The following LGR5 variants were observed in gnomAD, a reference collection of about 807,000 sequenced individuals.
LGR5 encodes the protein leucine rich repeat containing G protein-coupled receptor 5, also known as leucine-rich repeat-containing G protein-coupled receptor 5.
A neutral mutation model predicts 76.7 loss-of-function variants in LGR5; 54 were observed. The ratio of observed to expected loss-of-function variants is 0.70; its 90% CI spans 0.57 to 0.88. LGR5 has a LOEUF of 0.88. Among genes scored for constraint, LGR5 ranks in the 40% least tolerant of loss-of-function variants. The pLI is 0.00. For synonymous variants in LGR5, 406 were observed against 421.9 expected (o/e 0.96, Z 0.46); for missense variants, 1,078 against 1,073.3 (o/e 1.00, Z -0.06).
At chr12:71,546,582 A>G (rs1404499350) in intron 4 of LGR5, among the ~76,000 whole-genome samples, 1 of 151,814 alleles carries the variant, frequency 6.6e-6, no homozygotes, top group Non-Finnish European at 1.5e-5. Context: ...CATATTTAAC[A>G]TCTCTCATAG....
intron 4 of LGR5, among the ~76,000 whole-genome samples, chr12:71,549,489 T>C (rs1024621609): frequency 2.0e-5 from 3 of 152,212 alleles, no homozygotes; most frequent in Non-Finnish European, 2.9e-5. Context: ...AGGTGATGGA[T>C]ATGTTAATTA....
intron 4 of LGR5, among the ~76,000 whole-genome samples, chr12:71,538,245 G>T (rs899797337): frequency 8.5e-5 from 13 of 152,148 alleles, no homozygotes; most frequent in African/African-American, 3.1e-4. Context: ...AGGTATGGTG[G>T]CTCATGCCTG....
At chr12:71,474,435 T>C (rs1873238067) in intron 1 of LGR5, among the ~76,000 whole-genome samples, 1 of 152,238 alleles carries the variant, frequency 6.6e-6, no homozygotes, top group African/African-American at 2.4e-5. Context: ...AAAATATTCC[T>C]ATACCAATTT....
intron 13 of LGR5, among the ~76,000 whole-genome samples, chr12:71,574,502 ACC>A (rs386764130): frequency 1.9e-4 from 29 of 152,200 alleles, no homozygotes; most frequent in African/African-American, 6.7e-4. Context: ...CGTTTGGATC[ACC>A]ATCATCCTCC....
At chr12:71,580,535 C>A in intron 16 of LGR5, 112 bp downstream of exon 16, 3 of 1,075,772 alleles carry the variant, frequency 2.8e-6, no homozygotes, top group Non-Finnish European at 2.7e-6. Flanking sequence ...GTGGCACACA[C>A]CTGTAATCCC....
At chr12:71,551,525 G>T (rs1338871558) in intron 4 of LGR5, among the ~76,000 whole-genome samples, 1 of 151,986 alleles carries the variant, frequency 6.6e-6, no homozygotes, top group Non-Finnish European at 1.5e-5. Flanking sequence ...AAATGCAAAT[G>T]TGTGCGTCTT....
intron 8 of LGR5, among the ~76,000 whole-genome samples, chr12:71,564,831 T>C (rs911799542): frequency 1.3e-5 from 2 of 148,474 alleles, no homozygotes; most frequent in Admixed American, 6.7e-5. Flanking sequence ...TACACATATA[T>C]GTACACACAC....
At position 71,572,919 on chromosome 12, in the gene LGR5, G is replaced by T. The variant is rs1399535688; in HGVS notation, c.1206G>T (p.Ser402=). The change falls in exon 13 of 18, where the codon TCG becomes TCT. Residue 402 remains serine (S), a splice_region_variant and synonymous_variant. Coordinates refer to ENST00000266674, the MANE Select transcript of LGR5 (RefSeq NM_003667.4). ...TCCAGCAGTTGCTTAGCCTCCGATC[G>T]CTGTGAGTATCACCTCCCAGTGCGT... ...DTFQQLLSLR[S]LNLAWNKIAI... 3.1e-6 allele frequency: 5 copies of T among 1,610,960 alleles called. No homozygotes were observed. Among genetic ancestry groups the T allele is most frequent in the Non-Finnish European group, 4.2e-6 (5 of 1,177,328 alleles).
At chr12:71,583,120 T>C (rs2137483491) in intron 17 of LGR5, among the ~76,000 whole-genome samples, 1 of 152,214 alleles carries the variant, frequency 6.6e-6, no homozygotes, top group African/African-American at 2.4e-5. Flanking sequence ...GATGAGCCAG[T>C]TGAAAAAAAG....
chr12:71,505,717 A>G (rs1390284519), intron 2 of LGR5, among the ~76,000 whole-genome samples: 2 of 152,130 alleles, frequency 1.3e-5, no homozygotes, highest in Non-Finnish European at 2.9e-5. Flanking sequence ...AGTTTTATCT[A>G]TATTTATTTT....
rs985316577 is a variant in LGR5, at chr12:71,571,422, T to C, written c.1071-92T>C. 2.6e-5 allele frequency: 23 copies of C among 882,650 alleles called. No individual in the cohort carries two copies. In the African/African-American group the frequency reaches 3.4e-4, roughly 13 times the overall value. 54.7% of individuals were successfully genotyped at this position (882,650 alleles called of 1,614,324 possible). On this transcript the variant is annotated intron_variant, in intron 11 of 17. Coordinates refer to ENST00000266674, the MANE Select transcript of LGR5 (RefSeq NM_003667.4). ...ATGTTCAGAGTCTGCCTTTGGGAGATATAACATCTTGGAGGGAAAAGGAGA... is the reference window on the plus strand; with the variant it reads ...ATGTTCAGAGTCTGCCTTTGGGAGACATAACATCTTGGAGGGAAAAGGAGA...
chr12:71,562,160 A>C (rs1176365718), intron 8 of LGR5, among the ~76,000 whole-genome samples: 1 of 152,212 alleles, frequency 6.6e-6, no homozygotes, highest in Non-Finnish European at 1.5e-5. Context: ...TAGAGCATTA[A>C]TGTCAAGTCT....
Position 71,576,918 on chromosome 12 carries a change from T to C in LGR5, c.1209-1007T>C, listed in dbSNP as rs528103173. On this transcript the variant is annotated intron_variant, in intron 13 of 17. Transcript: ENST00000266674. ...CCAAAGCCCAGCCGCCATTTGTAGC[T>C]TTTCTACCTTCCATACGTTTCCTCC... 2.6e-5 allele frequency among the ~76,000 whole-genome samples: 4 copies of C among 152,306 alleles called. No individual in the cohort carries two copies. In the South Asian group the frequency reaches 8.3e-4, roughly 32 times the overall value.
In LGR5 at chr12:71,515,183, C is replaced by A. The variant is rs115940863; in HGVS notation, c.285-9223C>A. 5.9e-3 allele frequency among the ~76,000 whole-genome samples: 903 copies of A among 152,284 alleles called. 14 individuals carry two copies. The highest frequency in any genetic ancestry group is 0.021 in the African/African-American group (871 of 41,538). On this transcript the variant is annotated intron_variant, in intron 2 of 17. Transcript: ENST00000266674. ...ATCATATTTCTAATTCTTGATATGA[C>A]TCAGATACTTGGCTCCTGTATTGAT...
chr12:71,585,542 C>T lies in LGR5; in HGVS notation c.*808C>T, dbSNP rs957365819. 8 of 152,194 alleles carry T rather than the reference C, an allele frequency of 5.3e-5. No homozygotes were observed. Among genetic ancestry groups the T allele is most frequent in the African/African-American group, 1.9e-4 (8 of 41,448 alleles). The allele number at this position is 152,194 out of a possible 1,614,324, so 9.4% of individuals were successfully genotyped here. A position where few individuals can be genotyped will look rare whatever the true frequency, so the allele number is the denominator to read the frequency against. ...AGGGAATTCCACTGCCAGCAATGAACATACCTGGAAAAGAAAGTAAGCAAT... is the reference window on the plus strand; with the variant it reads ...AGGGAATTCCACTGCCAGCAATGAATATACCTGGAAAAGAAAGTAAGCAAT... On this transcript the variant is annotated 3_prime_UTR_variant, in exon 18 of 18. Transcript: ENST00000266674.
At chr12:71,451,138 T>A (rs1872234466) in intron 1 of LGR5, among the ~76,000 whole-genome samples, 1 of 152,180 alleles carries the variant, frequency 6.6e-6, no homozygotes, top group Non-Finnish European at 1.5e-5. Flanking sequence ...TTTGAAGATT[T>A]ATGGACAGAA....
At chr12:71,560,609 T>A (rs143588902) in intron 7 of LGR5, among the ~76,000 whole-genome samples, 2 of 152,286 alleles carry the variant, frequency 1.3e-5, no homozygotes, top group African/African-American at 4.8e-5. Flanking sequence ...CTGGCCAACA[T>A]GGTGAAACCC....
chr12:71,551,316 C>G (rs61537193), intron 4 of LGR5, among the ~76,000 whole-genome samples: 6,101 of 152,276 alleles, frequency 0.04, 423 homozygotes, highest in African/African-American at 0.14. Context: ...TGAGCTTCCT[C>G]CCAACAAAGA....
At chr12:71,452,176 C>T in intron 1 of LGR5, among the ~76,000 whole-genome samples, 1 of 152,216 alleles carries the variant, frequency 6.6e-6, no homozygotes, top group Non-Finnish European at 1.5e-5. Flanking sequence ...CTGTGTGGCT[C>T]TGCATGGAAT....
Sources: gnomAD v4.1 joint callset for allele counts (sites outside exome capture counted in the v4.1 genomes callset) on GRCh38, gnomAD v4.1.1 for gene constraint, MANE v1.5 for transcripts, NCBI Gene and HGNC (gene_info 2026-07-23, HGNC 2026-07-21) for gene names.